The following KLF12 variants were observed in gnomAD, a reference collection of about 807,000 sequenced individuals.
The protein encoded by KLF12 is KLF transcription factor 12, also known as Krueppel-like factor 12.
KLF12 carries 9 observed loss-of-function variants against 37.8 expected under a neutral mutation model. That is an observed-to-expected ratio of 0.24 (90% CI 0.14 to 0.42). The LOEUF (loss-of-function observed/expected upper bound fraction) is 0.42, where lower values mean the gene tolerates loss of function less well. Ranked by LOEUF, KLF12 falls within the 10% of genes least tolerant of loss-of-function variation. KLF12 has a pLI of 1.00. For missense variants in KLF12, 411 were observed against 516.0 expected (o/e 0.80, Z 1.97); for synonymous variants, 208 against 202.1 (o/e 1.03, Z -0.25).
chr13:73,786,757 C>CA (rs10568058), intron 5 of KLF12, among the ~76,000 whole-genome samples: 25,858 of 118,980 alleles, frequency 0.22, 2,877 homozygotes, highest in East Asian at 0.45. Context: ...ATTACAAATA[C>CA]AAAAAAAAAA....
intron 1 of KLF12, among the ~76,000 whole-genome samples, chr13:74,061,536 G>A (rs1306201543): frequency 1.3e-5 from 2 of 152,052 alleles, no homozygotes; most frequent in African/African-American, 4.8e-5. Context: ...TTCCTAGACT[G>A]TGAGACCACA....
chr13:73,709,833 C>G (rs969040184), intron 7 of KLF12, among the ~76,000 whole-genome samples: 1 of 152,094 alleles, frequency 6.6e-6, no homozygotes, highest in Non-Finnish European at 1.5e-5. Context: ...GAATTAAGAC[C>G]TATCTGAATG....
intron 6 of KLF12, among the ~76,000 whole-genome samples, chr13:73,764,275 A>G (rs958672958): frequency 6.6e-6 from 1 of 152,092 alleles, no homozygotes; most frequent in Non-Finnish European, 1.5e-5. Context: ...GAATGGAGTA[A>G]TATAAACAAA....
chr13:74,161,684 T>C, the KLF12 span, among the ~76,000 whole-genome samples: 2 of 152,222 alleles, frequency 1.3e-5, no homozygotes, highest in African/African-American at 4.8e-5. Flanking sequence ...AGGAAGCTAA[T>C]ATATAACCCA....
intron 5 of KLF12, among the ~76,000 whole-genome samples, chr13:73,785,100 A>G (rs1017964426): frequency 6.7e-6 from 1 of 149,378 alleles, no homozygotes; most frequent in Non-Finnish European, 1.5e-5. Flanking sequence ...TTCGTTCAAT[A>G]AATGATGTAA....
intron 6 of KLF12, among the ~76,000 whole-genome samples, chr13:73,755,740 C>G (rs145755663): frequency 6.6e-6 from 1 of 151,742 alleles, no homozygotes; most frequent in Non-Finnish European, 1.5e-5. Context: ...GTACACTGTA[C>G]CCTCACCACC....
chr13:73,825,731 A>AATTCAT (rs1417018646), intron 4 of KLF12, among the ~76,000 whole-genome samples: 2 of 152,120 alleles, frequency 1.3e-5, no homozygotes, highest in Admixed American at 1.3e-4. Flanking sequence ...AAAACAGAGA[A>AATTCAT]ATTCATACCG....
At chr13:74,255,069 C>G in the KLF12 span, among the ~76,000 whole-genome samples, 3 of 152,130 alleles carry the variant, frequency 2.0e-5, no homozygotes, top group Non-Finnish European at 4.4e-5. Context: ...GATCAATACT[C>G]CTGTCTAATG....
At chr13:74,070,308 T>C (rs1874155161) in intron 1 of KLF12, among the ~76,000 whole-genome samples, 1 of 152,188 alleles carries the variant, frequency 6.6e-6, no homozygotes, top group Non-Finnish European at 1.5e-5. Context: ...CCACTGTGCT[T>C]AGCAGGTAAA....
the KLF12 span, among the ~76,000 whole-genome samples, chr13:74,199,426 T>C: frequency 3.3e-5 from 5 of 152,222 alleles, no homozygotes; most frequent in Admixed American, 3.3e-4. Flanking sequence ...TAAACCTGAC[T>C]GGTAGTGCAT....
At chr13:74,275,834 C>CTT in the KLF12 span, among the ~76,000 whole-genome samples, 2 of 113,354 alleles carry the variant, frequency 1.8e-5, no homozygotes, top group African/African-American at 3.7e-5. Flanking sequence ...TTCTTTCTTT[C>CTT]TTTCTTTCTT....
intron 5 of KLF12, among the ~76,000 whole-genome samples, chr13:73,811,137 C>G (rs1253356880): frequency 6.6e-6 from 1 of 151,600 alleles, no homozygotes; most frequent in East Asian, 1.9e-4. Flanking sequence ...AGGCACCCAC[C>G]ACCACGCCCA....
At chr13:74,071,969 C>T (rs1304222450) in intron 1 of KLF12, among the ~76,000 whole-genome samples, 1 of 151,982 alleles carries the variant, frequency 6.6e-6, no homozygotes, top group African/African-American at 2.4e-5. Context: ...TTTTCCTCCC[C>T]AACCCCCCCA....
In KLF12 at chr13:73,948,278, G is replaced by A. The variant is rs987755491; in HGVS notation, c.34-4208C>T. On this transcript the variant is annotated intron_variant, in intron 2 of 7. Transcript: ENST00000377669. ...ACTCTATCACCCAGGCTGGAGTGCA[G>A]TGACACGATCTCAGCTTACTGCAAT... Among the ~76,000 whole-genome samples, 4 of 151,966 alleles carry A rather than the reference G, an allele frequency of 2.6e-5. No individual in the cohort carries two copies. The East Asian group carries it at 7.7e-4, about 29-fold the overall frequency.
chr13:73,848,754 G>T (rs1056742385), intron 3 of KLF12, among the ~76,000 whole-genome samples: 1 of 151,870 alleles, frequency 6.6e-6, no homozygotes, highest in African/African-American at 2.4e-5. Flanking sequence ...TATAGAAAAG[G>T]CTCACAAAAA....
chr13:74,177,663 C>T, the KLF12 span, among the ~76,000 whole-genome samples: 2 of 151,970 alleles, frequency 1.3e-5, no homozygotes, highest in African/African-American at 2.4e-5. Flanking sequence ...AATGAAGAAG[C>T]CTGAAAGTAA....
chr13:73,877,351 C>T (rs1416725724), intron 3 of KLF12, among the ~76,000 whole-genome samples: 1 of 152,166 alleles, frequency 6.6e-6, no homozygotes, highest in Non-Finnish European at 1.5e-5. Context: ...TTCCATATTA[C>T]AGCTCAGATC....
chr13:73,953,214 C>T (rs1462619928), intron 2 of KLF12, among the ~76,000 whole-genome samples: 1 of 151,922 alleles, frequency 6.6e-6, no homozygotes, highest in Admixed American at 6.6e-5. Context: ...AAATCTGTTA[C>T]ACAGAGGGAA....
At chr13:73,753,871 T>C (rs1448521013) in intron 6 of KLF12, among the ~76,000 whole-genome samples, 3 of 152,122 alleles carry the variant, frequency 2.0e-5, no homozygotes, top group Non-Finnish European at 4.4e-5. Flanking sequence ...GGGTGTAAGA[T>C]AGACAAGGAA....
Sources: gnomAD v4.1 joint callset for allele counts (sites outside exome capture counted in the v4.1 genomes callset) on GRCh38, gnomAD v4.1.1 for gene constraint, MANE v1.5 for transcripts, NCBI Gene and HGNC (gene_info 2026-07-23, HGNC 2026-07-21) for gene names.